CEP83: variants seen among roughly 807,000 people sequenced by gnomAD.
The protein encoded by CEP83 is centrosomal protein 83.
In CEP83, 70 loss-of-function variants were observed where a neutral mutation model predicts 101.9. The observed-to-expected ratio is 0.69, with a 90% CI of 0.57 to 0.84. The LOEUF is 0.84. CEP83 is among the 40% of genes least tolerant of loss of function. The pLI, the probability that CEP83 is intolerant of heterozygous loss-of-function variation, is 0.00. For missense variants in CEP83, 715 were observed against 787.2 expected, an observed-to-expected ratio of 0.91 and a Z score of 1.10; for synonymous variants, 264 against 267.9, an observed-to-expected ratio of 0.99 and a Z score of 0.14.
chr12:94,273,924 T>A, the CEP83 span, among the ~76,000 whole-genome samples: 1 of 152,018 alleles, frequency 6.6e-6, no homozygotes, highest in Admixed American at 6.5e-5. Flanking sequence ...CATTCCGTGG[T>A]GTCAGAGCTC....
At chr12:94,382,030 T>C (rs1300952535) in intron 6 of CEP83, among the ~76,000 whole-genome samples, 1 of 152,068 alleles carries the variant, frequency 6.6e-6, no homozygotes, top group African/African-American at 2.4e-5. Context: ...CAGATTGAAT[T>C]TCCCTAACAG....
chr12:94,443,585 C>T (rs975334302), intron 1 of CEP83, among the ~76,000 whole-genome samples: 4 of 152,024 alleles, frequency 2.6e-5, no homozygotes, highest in African/African-American at 9.7e-5. Flanking sequence ...CTCCGTCCCG[C>T]GGGTTCAAGT....
chr12:94,321,876 TC>T (rs1450854464), intron 14 of CEP83, among the ~76,000 whole-genome samples: 13 of 151,456 alleles, frequency 8.6e-5, no homozygotes, highest in African/African-American at 3.2e-4. Flanking sequence ...AGATATAGAA[TC>T]AAGGACCCAA....
At chr12:94,458,069 C>T (rs2067822474) in intron 1 of CEP83, among the ~76,000 whole-genome samples, 1 of 151,834 alleles carries the variant, frequency 6.6e-6, no homozygotes, top group African/African-American at 2.4e-5. Flanking sequence ...TGGTGGCATG[C>T]ACCTGTAACC....
chr12:94,424,909 G>A lies in CEP83; in HGVS notation c.-102+10366C>T, dbSNP rs577168961. 1.0e-4 allele frequency: 160 copies of A among 1,599,328 alleles called. No individual in the cohort carries two copies. The South Asian group carries it at 1.7e-3, about 17-fold the overall frequency. ...GAGCCAATGACACATATGGCTTCTT[G>A]TTGTTTCTATTGTAGCCAAAAGTAG... On this transcript the variant is annotated intron_variant, in intron 2 of 16. Transcript: ENST00000397809.
At chr12:94,268,588 CTTTTTTT>C in the CEP83 span, among the ~76,000 whole-genome samples, 3 of 90,884 alleles carry the variant, frequency 3.3e-5, no homozygotes, top group Non-Finnish European at 6.0e-5. Flanking sequence ...AGAATAAGAC[CTTTTTTT>C]TTTTTTTTTT....
intron 13 of CEP83, 39 bp from the exon 14 acceptor site, chr12:94,331,868 A>G: frequency 6.3e-7 from 1 of 1,579,018 alleles, no homozygotes; most frequent in Middle Eastern, 1.7e-4. Flanking sequence ...AAGTTAAATA[A>G]GTTCTTAGGA....
At position 94,371,996 on chromosome 12, in the gene CEP83, C is replaced by T. The variant is rs188597363; in HGVS notation, c.934-1960G>A. Among the ~76,000 whole-genome samples, 128 of 152,232 alleles carry T rather than the reference C, an allele frequency of 8.4e-4. 1 individual carries two copies. Among genetic ancestry groups the T allele is most frequent in the Admixed American group, 2.0e-3 (30 of 15,290 alleles). On this transcript the variant is annotated intron_variant, in intron 8 of 16. Transcript: ENST00000397809. ...ATTTTTATTTATTTATTTTCTGAGA[C>T]AGAGTCTCGCTCTGTCGCCCAGGCT...
At chr12:94,435,504 CA>C (rs930100600) in intron 1 of CEP83, among the ~76,000 whole-genome samples, 177 bp from the exon 2 acceptor site, 1 of 152,190 alleles carries the variant, frequency 6.6e-6, no homozygotes, top group African/African-American at 2.4e-5. Flanking sequence ...GCAAATGCCA[CA>C]AGACAGCCAA....
At position 94,335,506 on chromosome 12, in the gene CEP83, G is replaced by A. The variant is rs74892023; in HGVS notation, c.1419+83C>T. The stretch of plus-strand genomic sequence containing the variant: ...TGGTTAGATTCTAAAAATACTGATG[G>A]CAAAATTTTTTTAAAATTTGCAAAA... On this transcript the variant is annotated intron_variant, in intron 12 of 16. Transcript: ENST00000397809. The A allele has an allele frequency of 4.5e-5, 37 of 828,084 alleles. No individual in the cohort carries two copies. In the African/African-American group the frequency reaches 5.9e-4, roughly 13 times the overall value. The allele number at this position is 828,084 out of a possible 1,614,324, so 51.3% of individuals were successfully genotyped here.
intron 4 of CEP83, among the ~76,000 whole-genome samples, chr12:94,405,122 C>T (rs775447701): frequency 4.6e-5 from 7 of 152,010 alleles, no homozygotes; most frequent in Admixed American, 6.6e-5. Flanking sequence ...GTGACAACAT[C>T]AAGAGTCCAA....
chr12:94,457,416 G>A (rs1039407092), intron 1 of CEP83, among the ~76,000 whole-genome samples: 2 of 152,132 alleles, frequency 1.3e-5, no homozygotes, highest in Admixed American at 6.5e-5. Context: ...CCTGGGGGTG[G>A]GGAAATTCTG....
chr12:94,405,883 G>A (rs1212561330), intron 4 of CEP83, among the ~76,000 whole-genome samples: 1 of 152,114 alleles, frequency 6.6e-6, no homozygotes, highest in African/African-American at 2.4e-5. Context: ...CAACTATGAA[G>A]ACCTACAAAA....
At chr12:94,406,703 C>G (rs536994633) in intron 4 of CEP83, among the ~76,000 whole-genome samples, 52 of 152,220 alleles carry the variant, frequency 3.4e-4, no homozygotes, top group Non-Finnish European at 5.0e-4. Flanking sequence ...AGGCAGATCA[C>G]GAGCTCAGGA....
At chr12:94,411,912 G>T in intron 3 of CEP83, 65 bp from the exon 4 acceptor site, 2 of 1,312,032 alleles carry the variant, frequency 1.5e-6, no homozygotes, top group Non-Finnish European at 2.2e-6. Flanking sequence ...ATTACTTTAT[G>T]TAAAGTCAAT....
intron 11 of CEP83, among the ~76,000 whole-genome samples, chr12:94,351,569 T>C (rs575513746): frequency 6.6e-6 from 1 of 152,074 alleles, no homozygotes; most frequent in African/African-American, 2.4e-5. Context: ...TGAGCTGATA[T>C]AGTAGACCTA....
the CEP83 span, among the ~76,000 whole-genome samples, chr12:94,290,286 T>C: frequency 6.6e-6 from 1 of 152,246 alleles, no homozygotes; most frequent in African/African-American, 2.4e-5. Context: ...TCTCATAAAC[T>C]CGGTGTCTGA....
chr12:94,424,777 T>C lies in CEP83; in HGVS notation c.-102+10498A>G, dbSNP rs557028735. 6.2e-6 allele frequency: 10 copies of C among 1,611,266 alleles called. No homozygotes were observed. The African/African-American group carries it at 6.7e-5, about 11-fold the overall frequency. ...CAAGATCTTGGTCAGTAGTGCCTGG[T>C]TGCAATCCTCGGATGTATAGGTTGG... On this transcript the variant is annotated intron_variant, in intron 2 of 16. Coordinates refer to ENST00000397809, the MANE Select transcript of CEP83 (RefSeq NM_016122.3).
intron 2 of CEP83, among the ~76,000 whole-genome samples, chr12:94,432,413 C>G (rs1338491746): frequency 6.6e-6 from 1 of 151,944 alleles, no homozygotes; most frequent in East Asian, 1.9e-4. Context: ...TACTATTCAG[C>G]TATGAGAAAG....
Sources: allele counts gnomAD v4.1 joint callset (sites outside exome capture counted in the v4.1 genomes callset), GRCh38; gene constraint gnomAD v4.1.1; transcripts MANE v1.5; gene names NCBI Gene and HGNC (gene_info 2026-07-23, HGNC 2026-07-21).